The following SLC22A23 variants were observed in gnomAD, a reference collection of about 807,000 sequenced individuals.
SLC22A23 encodes ion transporter protein.
Under a neutral mutation model 61.0 loss-of-function variants are expected in SLC22A23, and 26 were observed. That is an observed-to-expected ratio of 0.43 (90% CI 0.31 to 0.59). The LOEUF is 0.59. Ranked by LOEUF, SLC22A23 falls within the 20% of genes least tolerant of loss-of-function variation. The pLI, the probability that SLC22A23 is intolerant of heterozygous loss-of-function variation, is 0.11. For synonymous variants in SLC22A23, 430 were observed against 413.9 expected, an observed-to-expected ratio of 1.04 and a Z score of -0.47; for missense variants, 796 against 934.7, an observed-to-expected ratio of 0.85 and a Z score of 1.94.
intron 3 of SLC22A23, among the ~76,000 whole-genome samples, chr6:3,339,093 T>TTTC (rs1435890016): frequency 6.6e-6 from 1 of 152,236 alleles, no homozygotes; most frequent in East Asian, 1.9e-4. Context: ...GAGCCAGTCA[T>TTTC]TTCTTAAGTG....
chr6:3,315,326 G>A (rs1183091959), intron 4 of SLC22A23, among the ~76,000 whole-genome samples: 2 of 152,206 alleles, frequency 1.3e-5, no homozygotes, highest in African/African-American at 2.4e-5. Context: ...GAACACTGCC[G>A]TGACTGAAGA....
At chr6:3,444,673 G>T in intron 1 of SLC22A23, 1 of 559,716 alleles carries the variant, frequency 1.8e-6, no homozygotes, top group Non-Finnish European at 2.3e-6. Flanking sequence ...CTGGCTTTCT[G>T]ATCCCGGCCT....
Position 3,329,670 on chromosome 6 carries a change from C to T in SLC22A23, c.914-5668G>A, listed in dbSNP as rs1001995777. ...CCTTGCAGCCAAGGTAGGTAACGAT[C>T]GTACCTACCACATGAGGTGGTCATG... On this transcript the variant is annotated intron_variant, in intron 3 of 9. Transcript: ENST00000406686. The surrounding 1 kb of genome is among the most constrained non-coding windows in gnomAD (Gnocchi z 4.8). Among the ~76,000 whole-genome samples the T allele has an allele frequency of 2.0e-5, 3 of 152,150 alleles. No homozygotes were observed. Among genetic ancestry groups the T allele is most frequent in the East Asian group, 1.9e-4 (1 of 5,180 alleles).
intron 9 of SLC22A23, among the ~76,000 whole-genome samples, chr6:3,275,789 A>G (rs1246246240): frequency 1.3e-5 from 2 of 152,224 alleles, no homozygotes. Context: ...TCGCTGTGTT[A>G]GCCAGGGTGG....
Position 3,297,562 on chromosome 6 carries a change from C to A in SLC22A23, c.1210+529G>T, listed in dbSNP as rs376816599. On this transcript the variant is annotated intron_variant, in intron 5 of 9. Coordinates refer to ENST00000406686, the MANE Select transcript of SLC22A23 (RefSeq NM_015482.2). The surrounding 1 kb of genome is among the most constrained non-coding windows in gnomAD (Gnocchi z 4.3). ...GATACGTGGATCCCCAGGTTGAGAA[C>A]CCCCACCTAGCTGTGGTAACGCTCC... 6.6e-6 allele frequency among the ~76,000 whole-genome samples: 1 copy of A among 152,168 alleles called. No individual in the cohort carries two copies. The highest frequency in any genetic ancestry group is 1.9e-4 in the East Asian group (1 of 5,198).
At chr6:3,369,111 C>A (rs1398645439) in intron 3 of SLC22A23, among the ~76,000 whole-genome samples, 2 of 151,626 alleles carry the variant, frequency 1.3e-5, no homozygotes, top group African/African-American at 4.9e-5. Flanking sequence ...TAATTTAGCC[C>A]AGCTGATAAT....
chr6:3,288,726 G>A (rs561114893), intron 6 of SLC22A23, among the ~76,000 whole-genome samples: 6 of 152,292 alleles, frequency 3.9e-5, no homozygotes, highest in East Asian at 1.9e-4. Context: ...TAACAGTGCC[G>A]CCAGCTCACC....
At chr6:3,326,886 G>T (rs1000967374) in intron 3 of SLC22A23, among the ~76,000 whole-genome samples, 5 of 152,204 alleles carry the variant, frequency 3.3e-5, no homozygotes, top group Non-Finnish European at 5.9e-5. Flanking sequence ...AAGTTTCTCT[G>T]GAAGATGACA....
rs1245230223 is a variant in SLC22A23, at chr6:3,328,001, G to A, written c.914-3999C>T. On this transcript the variant is annotated intron_variant, in intron 3 of 9. Transcript: ENST00000406686. The surrounding 1 kb of genome is among the most constrained non-coding windows in gnomAD (Gnocchi z 5.0). The stretch of plus-strand genomic sequence containing the variant: ...TCAGATTTCAGATGTTCTGATTAGG[G>A]ATGCCCAACCTGCATAACAATATAA... Among the ~76,000 whole-genome samples, 1 of 151,964 alleles carries A rather than the reference G, an allele frequency of 6.6e-6. No individual in the cohort carries two copies. The highest frequency in any genetic ancestry group is 1.5e-5 in the Non-Finnish European group (1 of 68,010).
Position 3,325,396 on chromosome 6 carries a change from G to GA in SLC22A23, c.914-1395dup, listed in dbSNP as rs1158895130. Among the ~76,000 whole-genome samples, 95 of 152,244 alleles carry GA rather than the reference G, an allele frequency of 6.2e-4. 1 individual carries two copies. The highest frequency in any genetic ancestry group is 2.2e-3 in the African/African-American group (92 of 41,546). ...AATTCCTACAGCAGCTCATCTGCTG[G>GA]AAAAAAATAATAATGCCATCAGAAT... On this transcript the variant is annotated intron_variant, in intron 3 of 9. Coordinates refer to ENST00000406686, the MANE Select transcript of SLC22A23 (RefSeq NM_015482.2).
At chr6:3,385,704 G>T (rs547987629) in intron 3 of SLC22A23, among the ~76,000 whole-genome samples, 1 of 152,288 alleles carries the variant, frequency 6.6e-6, no homozygotes, top group African/African-American at 2.4e-5. Flanking sequence ...GGCTCCTTGG[G>T]GAAGTCCTCT....
chr6:3,400,726 G>A (rs893388036), intron 3 of SLC22A23, among the ~76,000 whole-genome samples: 21 of 152,214 alleles, frequency 1.4e-4, no homozygotes, highest in African/African-American at 4.8e-4. Flanking sequence ...TCACACGCAC[G>A]TGTGTGCACT....
chr6:3,299,936 G>T (rs947639865), intron 4 of SLC22A23, among the ~76,000 whole-genome samples: 2 of 150,310 alleles, frequency 1.3e-5, no homozygotes, highest in Non-Finnish European at 2.9e-5. Context: ...GGAAAGTCAC[G>T]ACTGATGCTG....
At chr6:3,435,204 C>T (rs973368543) in intron 1 of SLC22A23, among the ~76,000 whole-genome samples, 7 of 152,176 alleles carry the variant, frequency 4.6e-5, no homozygotes, top group Non-Finnish European at 7.3e-5. Context: ...AAGCCAACTT[C>T]TCAGGGGGCT....
chr6:3,384,999 G>A (rs111288464), intron 3 of SLC22A23, among the ~76,000 whole-genome samples: 3 of 152,202 alleles, frequency 2.0e-5, no homozygotes, highest in East Asian at 1.9e-4. Context: ...AACAAATGCT[G>A]TATGAATCCA....
At position 3,329,724 on chromosome 6, in the gene SLC22A23, C is replaced by T. The variant is rs562182215; in HGVS notation, c.914-5722G>A. On this transcript the variant is annotated intron_variant, in intron 3 of 9. Transcript: ENST00000406686. This position sits in a 1 kb window ranked among gnomAD's most constrained non-coding sequence, Gnocchi z 4.8. ...AAACGACACTCACGAAGCACTCGAG[C>T]GCACCTGGCTCATACTGAAGCCACG... 6.6e-5 allele frequency among the ~76,000 whole-genome samples: 10 copies of T among 152,194 alleles called. No individual in the cohort carries two copies. The highest frequency in any genetic ancestry group is 1.2e-4 in the Non-Finnish European group (8 of 68,030).
At chr6:3,273,862 C>T (rs1758658259) in intron 9 of SLC22A23, among the ~76,000 whole-genome samples, 1 of 152,156 alleles carries the variant, frequency 6.6e-6, no homozygotes, top group African/African-American at 2.4e-5. Flanking sequence ...GTACTAAGGA[C>T]ATACCAACAC....
At chr6:3,421,843 A>G (rs1450692010) in intron 1 of SLC22A23, among the ~76,000 whole-genome samples, 1 of 152,342 alleles carries the variant, frequency 6.6e-6, no homozygotes, top group East Asian at 1.9e-4. Context: ...AATCCTATAA[A>G]TCAGGCCTAC....
chr6:3,416,342 GA>G (rs1266544667), intron 1 of SLC22A23, among the ~76,000 whole-genome samples: 3 of 152,222 alleles, frequency 2.0e-5, no homozygotes, highest in Admixed American at 2.0e-4. Context: ...ACTTTATGAG[GA>G]GTCTTAAAAA....
Sources: gnomAD v4.1 joint callset for allele counts (sites outside exome capture counted in the v4.1 genomes callset) on GRCh38, gnomAD v4.1.1 for gene constraint, Gnocchi (gnomAD v3.1) non-coding constraint, MANE v1.5 for transcripts, NCBI Gene and HGNC (gene_info 2026-07-23, HGNC 2026-07-21) for gene names.